The following POU6F2 variants were observed in gnomAD, a reference collection of about 807,000 sequenced individuals.
The protein encoded by POU6F2 is POU class 6 homeobox 2.
In POU6F2, 31 loss-of-function variants were observed where a neutral mutation model predicts 71.3. The observed-to-expected ratio is 0.43, with a 90% CI of 0.33 to 0.59. The LOEUF (loss-of-function observed/expected upper bound fraction) is 0.59, where lower values mean the gene tolerates loss of function less well. Ranked by LOEUF, POU6F2 falls within the 20% of genes least tolerant of loss-of-function variation. POU6F2 has a pLI of 0.04. For missense variants in POU6F2, 783 were observed against 856.8 expected, an observed-to-expected ratio of 0.91 and a Z score of 1.07; for synonymous variants, 347 against 355.7, an observed-to-expected ratio of 0.98 and a Z score of 0.27.
chr7:39,077,243 A>G (rs1791020490), intron 1 of POU6F2, among the ~76,000 whole-genome samples: 1 of 152,204 alleles, frequency 6.6e-6, no homozygotes, highest in African/African-American at 2.4e-5. Flanking sequence ...GGTTGTCAAT[A>G]CCAGTGTCTC....
intron 7 of POU6F2, among the ~76,000 whole-genome samples, chr7:39,443,276 A>C (rs1419458972): frequency 6.6e-6 from 1 of 152,192 alleles, no homozygotes; most frequent in Non-Finnish European, 1.5e-5. Context: ...ACCCCAATCA[A>C]CATGTCAGCT....
At chr7:39,032,841 G>A (rs1242163993) in intron 1 of POU6F2, among the ~76,000 whole-genome samples, 1 of 152,166 alleles carries the variant, frequency 6.6e-6, no homozygotes, top group Non-Finnish European at 1.5e-5. Context: ...AGCCTCCTGG[G>A]AGCAGTCGGT....
In POU6F2 at chr7:39,312,337, C is replaced by G. The variant is rs150018696; in HGVS notation, c.599-27305C>G. 1.2e-4 allele frequency among the ~76,000 whole-genome samples: 19 copies of G among 152,298 alleles called. No individual in the cohort carries two copies. In the East Asian group the frequency reaches 3.7e-3, roughly 29 times the overall value. ...GTTAGTTATTCAGGCATGCAGGTGT[C>G]AAAAGCAAGCTGTCTAGAAAGTACC... On this transcript the variant is annotated intron_variant, in intron 4 of 9. Coordinates refer to ENST00000518318, the MANE Select transcript of POU6F2 (RefSeq NM_001370959.1).
At chr7:39,053,724 C>T (rs1790446563) in intron 1 of POU6F2, among the ~76,000 whole-genome samples, 1 of 151,922 alleles carries the variant, frequency 6.6e-6, no homozygotes, top group Non-Finnish European at 1.5e-5. Context: ...CTCAGGCTGT[C>T]ACGCTGTAAA....
chr7:39,401,735 C>T (rs748698500), intron 5 of POU6F2, among the ~76,000 whole-genome samples: 7 of 152,166 alleles, frequency 4.6e-5, no homozygotes, highest in East Asian at 1.9e-4. Flanking sequence ...GTGATGAATG[C>T]GTTTATGAAT....
chr7:39,351,649 T>G (rs1786141666), intron 5 of POU6F2, among the ~76,000 whole-genome samples: 1 of 152,038 alleles, frequency 6.6e-6, no homozygotes. Context: ...TGCTGGTAAA[T>G]GTAGATTCTG....
intron 1 of POU6F2, among the ~76,000 whole-genome samples, chr7:39,070,448 A>G (rs913829623): frequency 1.3e-5 from 2 of 151,998 alleles, no homozygotes; most frequent in Non-Finnish European, 2.9e-5. Flanking sequence ...AAGGCACATC[A>G]GACCTTGTCA....
intron 1 of POU6F2, among the ~76,000 whole-genome samples, chr7:38,989,261 A>G (rs543641023): frequency 6.6e-6 from 1 of 152,250 alleles, no homozygotes; most frequent in South Asian, 2.1e-4. Context: ...GCCCCATGTC[A>G]CAGTCAGATG....
At chr7:39,157,043 CT>C (rs1253285526) in intron 2 of POU6F2, among the ~76,000 whole-genome samples, 1 of 152,104 alleles carries the variant, frequency 6.6e-6, no homozygotes, top group Non-Finnish European at 1.5e-5. Context: ...TTTAGAACTT[CT>C]TTGTATTTAT....
At chr7:39,302,130 G>C (rs1784958410) in intron 4 of POU6F2, among the ~76,000 whole-genome samples, 1 of 152,012 alleles carries the variant, frequency 6.6e-6, no homozygotes, top group Non-Finnish European at 1.5e-5. Flanking sequence ...TCCATCTTTT[G>C]AAATTTTTTA....
chr7:39,464,891 A>C lies in POU6F2; in HGVS notation c.*205A>C. On this transcript the variant is annotated 3_prime_UTR_variant, in exon 10 of 10. Coordinates refer to ENST00000518318, the MANE Select transcript of POU6F2 (RefSeq NM_001370959.1). This position sits in a 1 kb window ranked among gnomAD's most constrained non-coding sequence, Gnocchi z 4.1. ...GTTGGTTTTCCAAAAAGGAAAGAAGAAAATTTTTAGAAAATTTTTAAACAA... is the reference window on the plus strand; with the variant it reads ...GTTGGTTTTCCAAAAAGGAAAGAAGCAAATTTTTAGAAAATTTTTAAACAA... 4 of 702,022 alleles carry C rather than the reference A, an allele frequency of 5.7e-6. No homozygotes were observed. The highest frequency in any genetic ancestry group is 6.7e-6 in the Non-Finnish European group (3 of 445,896). The allele number at this position is 702,022 out of a possible 1,614,324, so 43.5% of individuals were successfully genotyped here.
rs1789101468 is a variant in POU6F2 at position 39,467,628 on chromosome 7, C to T, written c.*2942C>T. ...TTTATAGATTTTCTTTCTTTTTCAA[C>T]CAAGAAAATATTTTGAACAATTGAA... On this transcript the variant is annotated 3_prime_UTR_variant, in exon 10 of 10. Coordinates refer to ENST00000518318, the MANE Select transcript of POU6F2 (RefSeq NM_001370959.1). The T allele has an allele frequency of 6.6e-6, 1 of 152,010 alleles. No individual in the cohort carries two copies. The highest frequency in any genetic ancestry group is 2.4e-5 in the African/African-American group (1 of 41,364). The allele number at this position is 152,010 out of a possible 1,614,324, so 9.4% of individuals were successfully genotyped here. A position where few individuals can be genotyped will look rare whatever the true frequency, so the allele number is the denominator to read the frequency against.
In POU6F2 at chr7:39,114,092, T is replaced by C. The variant is rs1006764280; in HGVS notation, c.277+28061T>C. Among the ~76,000 whole-genome samples, 16 of 152,328 alleles carry C rather than the reference T, an allele frequency of 1.1e-4. No individual in the cohort carries two copies. The East Asian group carries it at 1.9e-3, about 18-fold the overall frequency. Reference sequence around the variant, plus strand: ...CAAACCAACCATGAATCCATGCATGTACCTATAGGTAAACATCCTGAATAT... The same window carrying C: ...CAAACCAACCATGAATCCATGCATGCACCTATAGGTAAACATCCTGAATAT... On this transcript the variant is annotated intron_variant, in intron 2 of 9. Transcript: ENST00000518318.
chr7:39,190,127 C>T (rs61175790), intron 2 of POU6F2, among the ~76,000 whole-genome samples: 6,446 of 151,662 alleles, frequency 0.043, 415 homozygotes, highest in East Asian at 0.32. Context: ...ATCTCCTGAG[C>T]TCAAGCGATC....
chr7:39,316,800 A>G (rs1785276001), intron 4 of POU6F2, among the ~76,000 whole-genome samples: 1 of 152,132 alleles, frequency 6.6e-6, no homozygotes, highest in South Asian at 2.1e-4. Flanking sequence ...TGCTGGAGGA[A>G]GATGAAATGT....
At chr7:39,137,334 G>A (rs1368334294) in intron 2 of POU6F2, among the ~76,000 whole-genome samples, 1 of 151,922 alleles carries the variant, frequency 6.6e-6, no homozygotes, top group Non-Finnish European at 1.5e-5. Flanking sequence ...TGACTTAAAT[G>A]GTAAGCAACA....
chr7:39,256,849 A>C (rs544893639), intron 4 of POU6F2, among the ~76,000 whole-genome samples: 29 of 152,178 alleles, frequency 1.9e-4, no homozygotes, highest in Non-Finnish European at 3.7e-4. Context: ...ATTCTCCTAT[A>C]GAGCCTCCAG....
At chr7:39,224,828 G>A (rs10272458) in intron 4 of POU6F2, among the ~76,000 whole-genome samples, 76,037 of 151,990 alleles carry the variant, frequency 0.5, 19,439 homozygotes, top group East Asian at 0.81. Flanking sequence ...AGCTTTTCCA[G>A]AATTCTGGAG....
intron 1 of POU6F2, among the ~76,000 whole-genome samples, chr7:39,036,430 T>C (rs1447079895): frequency 2.0e-5 from 3 of 152,176 alleles, no homozygotes. Flanking sequence ...ATGATTTAAT[T>C]ATAATTAATT....
Sources: allele counts gnomAD v4.1 joint callset (sites outside exome capture counted in the v4.1 genomes callset), GRCh38; gene constraint gnomAD v4.1.1; non-coding constraint Gnocchi (gnomAD v3.1); transcripts MANE v1.5; gene names NCBI Gene and HGNC (gene_info 2026-07-23, HGNC 2026-07-21).